TRAPPC10: variants seen among roughly 807,000 people sequenced by gnomAD.
TRAPPC10 encodes trafficking protein particle complex subunit 10, also known as TRAPP 130 kDa subunit.
A neutral mutation model predicts 125.5 loss-of-function variants in TRAPPC10; 23 were observed. That is an observed-to-expected ratio of 0.18 (90% CI 0.13 to 0.26). TRAPPC10 has a LOEUF of 0.26. Among genes scored for constraint, TRAPPC10 ranks in the 10% least tolerant of loss-of-function variants. The pLI is 1.00. For synonymous variants in TRAPPC10, 509 were observed against 518.0 expected (o/e 0.98, Z 0.24); for missense variants, 1,123 against 1,308.4 (o/e 0.86, Z 2.19).
At chr21:44,092,699 T>C (rs569890957) in intron 19 of TRAPPC10, among the ~76,000 whole-genome samples, 17 of 152,340 alleles carry the variant, frequency 1.1e-4, no homozygotes, top group African/African-American at 3.6e-4. Flanking sequence ...AATAGCGGTG[T>C]TCAGCCCCTG....
At chr21:44,066,451 G>A (rs540201434) in intron 7 of TRAPPC10, among the ~76,000 whole-genome samples, 128 of 152,176 alleles carry the variant, frequency 8.4e-4, no homozygotes, top group Non-Finnish European at 1.6e-3. Flanking sequence ...TGGGGTGAGC[G>A]GTAACACCCG....
intron 1 of TRAPPC10, among the ~76,000 whole-genome samples, chr21:44,018,334 C>T (rs190107665): frequency 8.6e-5 from 13 of 151,782 alleles, no homozygotes; most frequent in African/African-American, 2.7e-4. Context: ...GGACCTGGGA[C>T]GTCAAGGCTG....
At chr21:44,038,203 CG>C in intron 3 of TRAPPC10, among the ~76,000 whole-genome samples, 2 of 152,276 alleles carry the variant, frequency 1.3e-5, no homozygotes, top group Middle Eastern at 6.8e-3. Flanking sequence ...TGGCCAAGTG[CG>C]GGACTTGCTG....
intron 12 of TRAPPC10, 27 bp from the exon 13 acceptor site, chr21:44,079,988 T>G (rs540079721): frequency 6.3e-7 from 1 of 1,598,008 alleles, no homozygotes; most frequent in Non-Finnish European, 8.6e-7. Context: ...TATGAGCCTC[T>G]CCACGCTCCT....
chr21:44,044,053 G>A (rs915580048), intron 3 of TRAPPC10, among the ~76,000 whole-genome samples: 1 of 152,220 alleles, frequency 6.6e-6, no homozygotes, highest in African/African-American at 2.4e-5. Context: ...TTACACAGCA[G>A]TAGATAACTG....
chr21:44,019,772 C>T lies in TRAPPC10; in HGVS notation c.67+7212C>T, dbSNP rs560950280. 1.7e-3 allele frequency among the ~76,000 whole-genome samples: 260 copies of T among 152,290 alleles called. 2 individuals carry two copies. Among genetic ancestry groups the T allele is most frequent in the African/African-American group, 5.9e-3 (247 of 41,552 alleles). ...TTGTGGGGCACCATGCCACCTGCCG[C>T]ACCACTGTCTGTGTTAGCTACCAAG... On this transcript the variant is annotated intron_variant, in intron 1 of 22. Coordinates refer to ENST00000291574, the MANE Select transcript of TRAPPC10 (RefSeq NM_003274.5).
chr21:44,053,339 G>A (rs985400770), intron 4 of TRAPPC10, among the ~76,000 whole-genome samples: 4 of 151,840 alleles, frequency 2.6e-5, no homozygotes, highest in Non-Finnish European at 2.9e-5. Context: ...TTAATATAAC[G>A]TTATGTGTTG....
At chr21:44,076,746 T>C in intron 10 of TRAPPC10, 118 bp downstream of exon 10, 1 of 737,656 alleles carries the variant, frequency 1.4e-6, no homozygotes. Context: ...TTGTTGGTTT[T>C]TTTTAGTTTC....
intron 13 of TRAPPC10, 72 bp downstream of exon 13, chr21:44,080,199 T>A: frequency 1.6e-6 from 2 of 1,275,724 alleles, no homozygotes; most frequent in East Asian, 2.4e-5. Context: ...ATACAAGATA[T>A]ACCAACCACT....
chr21:44,044,086 G>T (rs2034603233), intron 3 of TRAPPC10, among the ~76,000 whole-genome samples: 1 of 152,200 alleles, frequency 6.6e-6, no homozygotes, highest in African/African-American at 2.4e-5. Flanking sequence ...AAAAAGAGAA[G>T]GCTGGAGGCA....
chr21:44,054,961 T>A (rs1328363360), intron 4 of TRAPPC10, among the ~76,000 whole-genome samples: 1 of 152,164 alleles, frequency 6.6e-6, no homozygotes, highest in Non-Finnish European at 1.5e-5. Context: ...TCAGCAGGCT[T>A]GAGCTGGGAA....
rs115008627 is a variant in TRAPPC10 at position 44,020,943 on chromosome 21, A to G, written c.67+8383A>G. Among the ~76,000 whole-genome samples the G allele has an allele frequency of 2.8e-3, 429 of 152,288 alleles. 6 individuals carry two copies. Among genetic ancestry groups the G allele is most frequent in the African/African-American group, 9.7e-3 (402 of 41,556 alleles). On this transcript the variant is annotated intron_variant, in intron 1 of 22. Transcript: ENST00000291574. The stretch of plus-strand genomic sequence containing the variant: ...TCTGATGACTCCTGCTTTACCAAGT[A>G]CTTAGGGAAGGCAGACACCATCTGT...
At chr21:44,052,521 T>C (rs371420325) in intron 4 of TRAPPC10, 45 bp downstream of exon 4, 13 of 1,518,870 alleles carry the variant, frequency 8.6e-6, no homozygotes, top group Non-Finnish European at 1.1e-5. Flanking sequence ...ATACTTGACA[T>C]GATACAGATT....
chr21:44,073,275 G>A (rs939805518), intron 7 of TRAPPC10, among the ~76,000 whole-genome samples: 11 of 152,142 alleles, frequency 7.2e-5, no homozygotes, highest in Admixed American at 1.3e-4. Context: ...GAGTTCTTAT[G>A]GGAGTCAGTT....
At chr21:44,018,398 G>C (rs1360694743) in intron 1 of TRAPPC10, among the ~76,000 whole-genome samples, 1 of 151,542 alleles carries the variant, frequency 6.6e-6, no homozygotes, top group African/African-American at 2.4e-5. Context: ...AGCAAGACCT[G>C]GTCTCAGAAA....
At chr21:44,089,619 G>C (rs145857011) in intron 17 of TRAPPC10, 2 of 582,008 alleles carry the variant, frequency 3.4e-6, no homozygotes, top group Non-Finnish European at 3.3e-6. Context: ...CCAGTTCTGC[G>C]TTCGTTTCTC....
At chr21:44,085,463 G>A (rs1297505209) in intron 15 of TRAPPC10, among the ~76,000 whole-genome samples, 2 of 152,176 alleles carry the variant, frequency 1.3e-5, no homozygotes, top group Admixed American at 6.5e-5. Flanking sequence ...GGGAGGCCAA[G>A]GCTTTGAGAC....
chr21:44,093,043 C>G (rs1490244683), intron 19 of TRAPPC10, among the ~76,000 whole-genome samples: 1 of 152,180 alleles, frequency 6.6e-6, no homozygotes. Flanking sequence ...GTGAACCACC[C>G]ACCTTGGCCT....
intron 18 of TRAPPC10, among the ~76,000 whole-genome samples, chr21:44,090,307 T>A (rs1006404030): frequency 6.6e-6 from 1 of 152,228 alleles, no homozygotes; most frequent in Non-Finnish European, 1.5e-5. Flanking sequence ...TGTTAACTAG[T>A]TCTCCTGTCC....
Sources: allele counts gnomAD v4.1 joint callset (sites outside exome capture counted in the v4.1 genomes callset), GRCh38; gene constraint gnomAD v4.1.1; transcripts MANE v1.5; gene names NCBI Gene and HGNC (gene_info 2026-07-23, HGNC 2026-07-21).